Variants in DNAH1 observed in about 807,000 individuals in gnomAD.
DNAH1 encodes the protein dynein axonemal heavy chain 1.
A neutral mutation model predicts 484.3 loss-of-function variants in DNAH1; 327 were observed. That is an observed-to-expected ratio of 0.68 (90% CI 0.62 to 0.74). The LOEUF is 0.74. Among genes scored for constraint, DNAH1 ranks in the 30% least tolerant of loss-of-function variants. DNAH1 has a pLI of 0.00. For missense variants in DNAH1, 5,052 were observed against 5,546.8 expected, an observed-to-expected ratio of 0.91 and a Z score of 2.83; for synonymous variants, 2,192 against 2,191.9, an observed-to-expected ratio of 1.00 and a Z score of 0.00.
rs770147938 is a variant in DNAH1, at chr3:52,349,315, C to T, written c.2421C>T (p.Tyr807=). The T allele has an allele frequency of 3.7e-6, 6 of 1,613,902 alleles. No individual in the cohort carries two copies. In the Admixed American group the frequency reaches 6.7e-5, roughly 18 times the overall value. Reference sequence around the variant, plus strand: ...GCAGCATCATCATTGGGCCTTTCTACATCAACACCGACAATGTCAAGCAGA... The same window carrying T: ...GCAGCATCATCATTGGGCCTTTCTATATCAACACCGACAATGTCAAGCAGA... ...LPSSIIIGPF[Y]INTDNVKQSL... The change falls in exon 14 of 78, where the codon TAC becomes TAT. Residue 807 remains tyrosine, a synonymous_variant. Coordinates refer to ENST00000420323, the MANE Select transcript of DNAH1 (RefSeq NM_015512.5).
intron 63 of DNAH1, 78 bp downstream of exon 63, chr3:52,391,681 C>A: frequency 6.4e-7 from 1 of 1,551,880 alleles, no homozygotes; most frequent in Non-Finnish European, 8.8e-7. Flanking sequence ...CACCCCCAGG[C>A]CGGGAGTCAG....
At chr3:52,344,751 T>C in intron 9 of DNAH1, 104 bp downstream of exon 9, 1 of 1,263,582 alleles carries the variant, frequency 7.9e-7, no homozygotes, top group Non-Finnish European at 1.1e-6. Flanking sequence ...GTGGGCGTCA[T>C]CAGCCCAACA....
In DNAH1 at chr3:52,356,881, G is replaced by A. The variant is rs1457398529; in HGVS notation, c.3858+103G>A. 7 of 1,390,348 alleles carry A rather than the reference G, an allele frequency of 5.0e-6. No homozygotes were observed. In the African/African-American group the frequency reaches 8.6e-5, roughly 17 times the overall value. 86.1% of individuals were successfully genotyped at this position (1,390,348 alleles called of 1,614,324 possible). A position where few individuals can be genotyped will look rare whatever the true frequency, so the allele number is the denominator to read the frequency against. On this transcript the variant is annotated intron_variant, in intron 22 of 77. Transcript: ENST00000420323. Reference sequence around the variant, plus strand: ...TTCCCTCCCTACACAGAAAAGGCTGGTGGACAAGCCTGAGGATTTGATCTT... The same window carrying A: ...TTCCCTCCCTACACAGAAAAGGCTGATGGACAAGCCTGAGGATTTGATCTT...
At chr3:52,325,499 C>T (rs1019978604) in intron 3 of DNAH1, among the ~76,000 whole-genome samples, 4 of 152,206 alleles carry the variant, frequency 2.6e-5, no homozygotes, top group Admixed American at 6.5e-5. Flanking sequence ...CTTTCTTCTC[C>T]ATTGATTATC....
At chr3:52,334,937 C>T (rs531551741) in intron 8 of DNAH1, among the ~76,000 whole-genome samples, 1 of 151,918 alleles carries the variant, frequency 6.6e-6, no homozygotes, top group African/African-American at 2.4e-5. Flanking sequence ...CAAGATCCGC[C>T]CCCCGGCGCC....
chr3:52,385,265 G>T, intron 53 of DNAH1, 72 bp from the exon 54 acceptor site: 1 of 1,439,338 alleles, frequency 6.9e-7, no homozygotes, highest in Non-Finnish European at 9.5e-7. Flanking sequence ...CATGAATGAG[G>T]GCGGCCCAGC....
At chr3:52,389,069 A>T (rs1704250367) in intron 59 of DNAH1, 132 bp downstream of exon 59, 4 of 1,169,000 alleles carry the variant, frequency 3.4e-6, no homozygotes, top group Non-Finnish European at 2.3e-6. Context: ...ACAAGCACTT[A>T]GCAGGCTCCC....
At chr3:52,322,065 A>G (rs1244648351) in intron 1 of DNAH1, among the ~76,000 whole-genome samples, 1 of 152,084 alleles carries the variant, frequency 6.6e-6, no homozygotes. Context: ...TGCTACTGAG[A>G]AGTCAGGCCT....
chr3:52,364,802 GC>G lies in DNAH1; in HGVS notation c.5332-28del. 1.9e-6 allele frequency: 3 copies of G among 1,609,568 alleles called. No individual in the cohort carries two copies. Among genetic ancestry groups the G allele is most frequent in the Non-Finnish European group, 2.5e-6 (3 of 1,176,904 alleles). ...GCAGCTGGAGGGCAGCTGGCCCACT[GC>G]CCTGAAGGCTCAGCCGGCACCTGCT... is the stretch of plus-strand genomic sequence containing the variant. On this transcript the variant is annotated intron_variant, in intron 33 of 77. Coordinates refer to ENST00000420323, the MANE Select transcript of DNAH1 (RefSeq NM_015512.5). This position sits in a 1 kb window ranked among gnomAD's most constrained non-coding sequence, Gnocchi z 4.2.
In DNAH1 at chr3:52,388,523, G is replaced by C; in HGVS notation, c.9277G>C (p.Ala3093Pro). Residue 3093 changes from alanine to proline, a missense_variant, in exon 58 of 78, where the codon GCT becomes CCT. Physicochemically the swap from Ala to Pro is conservative, Grantham distance 27 (BLOSUM62 -1). Coordinates refer to ENST00000420323, the MANE Select transcript of DNAH1 (RefSeq NM_015512.5). ...GGAGGACGGCATCGCCACAATGCAG[G>C]CTAAGTACCGGGAATGCATTACCAA... The part of the protein sequence containing the change: ...EVEDGIATMQ[A>P]KYRECITKKE... 1 of 1,612,876 alleles carries C rather than the reference G, an allele frequency of 6.2e-7. No homozygotes were observed.
chr3:52,366,910 C>G lies in DNAH1; in HGVS notation c.5765+23C>G, dbSNP rs199901090. 8.8e-6 allele frequency: 14 copies of G among 1,591,582 alleles called. No individual in the cohort carries two copies. The African/African-American group carries it at 1.9e-4, about 21-fold the overall frequency. On this transcript the variant is annotated intron_variant, in intron 36 of 77. Transcript: ENST00000420323. ...GTGGTGAGTGACCCCCCAGCCTCAC[C>G]GGTGACCCCCTGCTCCCAGACCTCT...
chr3:52,392,979 G>T lies in DNAH1; in HGVS notation c.10428G>T (p.Trp3476Cys), dbSNP rs779312807. The T allele has an allele frequency of 8.7e-6, 14 of 1,613,580 alleles. No homozygotes were observed. In the South Asian group the frequency reaches 1.5e-4, roughly 18 times the overall value. Residue 3476 changes from tryptophan (W) to cysteine (C), a missense_variant, in exon 65 of 78, where the codon TGG becomes TGT. By Grantham distance (215) the Trp-to-Cys change is radical. Around this residue, in one of 4 missense-constraint regions of DNAH1, gnomAD observed 2,929 missense variants for 3,409.4 expected, o/e 0.86. Coordinates refer to ENST00000420323, the MANE Select transcript of DNAH1 (RefSeq NM_015512.5). ...VDPMYQYSLE[W>C]FLNIFLSGIA... is the part of the protein sequence containing the mutation. ...CCATGTACCAGTACTCCCTTGAGTG[G>T]TTTCTCAACATCTTCCTCTCGGGCA...
intron 50 of DNAH1, 26 bp from the exon 51 acceptor site, chr3:52,383,360 C>T (rs766923375): frequency 6.2e-7 from 1 of 1,603,696 alleles, no homozygotes; most frequent in South Asian, 1.1e-5. Flanking sequence ...AGGGGCTTAG[C>T]TCCCCACTCC....
chr3:52,336,794 GT>G (rs757883312), intron 8 of DNAH1, among the ~76,000 whole-genome samples: 31 of 152,262 alleles, frequency 2.0e-4, no homozygotes, highest in South Asian at 4.1e-4. Flanking sequence ...TGGACTATGT[GT>G]CTGTTTTTGT....
intron 59 of DNAH1, 28 bp downstream of exon 59, chr3:52,388,965 C>T (rs1330225290): frequency 1.3e-6 from 2 of 1,556,512 alleles, no homozygotes; most frequent in East Asian, 2.3e-5. Context: ...CTGTCTCTGA[C>T]CAGCCTCGCC....
chr3:52,354,121 C>T (rs755662201), intron 20 of DNAH1, among the ~76,000 whole-genome samples: 6 of 151,918 alleles, frequency 3.9e-5, no homozygotes, highest in Non-Finnish European at 7.4e-5. Flanking sequence ...GTGATTATGC[C>T]ACTGCACTCC....
chr3:52,381,980 T>A lies in DNAH1; in HGVS notation c.7805+144T>A. ...GCCTACAGGCTTCTGGAAAGACTAG[T>A]AGCAGGATCTGGGCTCCAGGGAGAG... On this transcript the variant is annotated intron_variant, in intron 49 of 77. Transcript: ENST00000420323. This position sits in a 1 kb window ranked among gnomAD's most constrained non-coding sequence, Gnocchi z 4.1. 2.1e-6 allele frequency: 2 copies of A among 941,414 alleles called. No homozygotes were observed. The highest frequency in any genetic ancestry group is 3.1e-6 in the Non-Finnish European group (2 of 647,178). 58.3% of individuals were successfully genotyped at this position (941,414 alleles called of 1,614,324 possible). A position where few individuals can be genotyped will look rare whatever the true frequency, so the allele number is the denominator to read the frequency against.
At chr3:52,351,505 C>T (rs191343063) in intron 16 of DNAH1, among the ~76,000 whole-genome samples, 16 of 152,266 alleles carry the variant, frequency 1.1e-4, no homozygotes, top group African/African-American at 3.9e-4. Flanking sequence ...AGGTGGAAGC[C>T]CCACATCCCA....
rs372941076 is a variant in DNAH1, at chr3:52,326,823, G to A, written c.670G>A (p.Asp224Asn). Residue 224 changes from aspartate (D) to asparagine (N), a missense_variant, in exon 5 of 78, where the codon GAC becomes AAC. Around this residue, in one of 4 missense-constraint regions of DNAH1, gnomAD observed 1,263 missense variants for 1,218.8 expected, o/e 1.04. Transcript: ENST00000420323. ...DSNKLMPRHL[D>N]HQHPQTIEQG... is the part of the protein sequence containing the mutation. The stretch of plus-strand genomic sequence containing the variant: ...CAACAAGCTCATGCCCAGGCACCTG[G>A]ACCACCAGCACCCCCAAACCATCGA... 1.2e-6 allele frequency: 2 copies of A among 1,613,496 alleles called. No homozygotes were observed. Among genetic ancestry groups the A allele is most frequent in the Admixed American group, 1.7e-5 (1 of 59,934 alleles).
Sources: gnomAD v4.1 joint callset for allele counts (sites outside exome capture counted in the v4.1 genomes callset) on GRCh38, gnomAD v4.1.1 for gene constraint, gnomAD v4.1.1 regional missense constraint, Gnocchi (gnomAD v3.1) non-coding constraint, MANE v1.5 for transcripts, NCBI Gene and HGNC (gene_info 2026-07-23, HGNC 2026-07-21) for gene names.